Variants in MAPK6 observed in about 807,000 individuals in gnomAD.
MAPK6 encodes mitogen-activated protein kinase 6, also known as ERK-3.
A neutral mutation model predicts 59.3 loss-of-function variants in MAPK6; 19 were observed. The observed-to-expected ratio is 0.32, with a 90% CI of 0.22 to 0.47. MAPK6 has a LOEUF of 0.47. MAPK6 is among the 20% of genes least tolerant of loss of function. MAPK6 has a pLI of 1.00. For missense variants in MAPK6, 724 were observed against 847.9 expected (o/e 0.85, Z 1.81); for synonymous variants, 316 against 290.3 (o/e 1.09, Z -0.90).
intron 1 of MAPK6, among the ~76,000 whole-genome samples, chr15:51,979,084 C>T (rs189698618): frequency 9.7e-5 from 12 of 123,680 alleles, no homozygotes; most frequent in Admixed American, 2.7e-4. Flanking sequence ...GCACCCCAGC[C>T]GGGGTGACAG....
chr15:51,985,721 G>C (rs939519874), intron 2 of MAPK6, among the ~76,000 whole-genome samples: 2 of 152,120 alleles, frequency 1.3e-5, no homozygotes. Context: ...CACTTTGGGA[G>C]GCCGAGGCGG....
chr15:52,023,890 G>C (rs1348183460), intron 1 of MAPK6, among the ~76,000 whole-genome samples: 1 of 152,308 alleles, frequency 6.6e-6, no homozygotes, highest in East Asian at 1.9e-4. Flanking sequence ...GGGATTACGG[G>C]CATGAGCCAC....
chr15:52,042,721 A>G (rs2031463564), intron 1 of MAPK6: 1 of 152,202 alleles, frequency 6.6e-6, no homozygotes. Context: ...GAGAACTTGG[A>G]GATCTTACTG....
intron 3 of MAPK6, among the ~76,000 whole-genome samples, chr15:52,056,422 T>A (rs2031985862): frequency 6.6e-6 from 1 of 152,240 alleles, no homozygotes; most frequent in African/African-American, 2.4e-5. Flanking sequence ...ACTCGTTGGA[T>A]GTAAAACTTC....
At position 52,063,947 on chromosome 15, in the gene MAPK6, C is replaced by A. The variant is rs75263468; in HGVS notation, c.1113C>A (p.Asn371Lys). The change falls in exon 6 of 6, where the codon AAC (asparagine) becomes AAA (lysine). Residue 371 changes from asparagine to lysine, a missense_variant. Transcript: ENST00000261845. The part of the protein sequence containing the change: ...QFSEHDWPVH[N>K]NFDIDEVQLD... ...CAGAGCATGATTGGCCTGTACATAA[C>A]AACTTTGATATTGATGAAGTTCAGC... 1.0e-4 allele frequency: 164 copies of A among 1,598,774 alleles called. No individual in the cohort carries two copies. The highest frequency in any genetic ancestry group is 1.4e-4 in the Non-Finnish European group (161 of 1,172,598).
At chr15:52,002,970 C>CTT (rs2057246720) in intron 2 of MAPK6, among the ~76,000 whole-genome samples, 1 of 152,058 alleles carries the variant, frequency 6.6e-6, no homozygotes, top group Non-Finnish European at 1.5e-5. Flanking sequence ...GGGCAGATCA[C>CTT]AAGGTCAGGA....
In MAPK6 at chr15:52,001,795, C is replaced by T. The variant is rs376705670; in HGVS notation, c.-769-2470C>T. ...AAGTGGTGGGATTATAGGCGTGATC[C>T]GCCACTCCTGGCCGCATGTAGCCCT... is the stretch of plus-strand genomic sequence containing the variant. On this transcript the variant is annotated intron_variant, in intron 2 of 7. Transcript: ENST00000691380. Among the ~76,000 whole-genome samples, 16 of 152,228 alleles carry T rather than the reference C, an allele frequency of 1.1e-4. No homozygotes were observed. In the South Asian group the frequency reaches 1.2e-3, roughly 12 times the overall value.
intron 1 of MAPK6, chr15:52,020,161 C>G (rs957177554): frequency 1.3e-5 from 2 of 152,228 alleles, no homozygotes; most frequent in Admixed American, 6.5e-5. Flanking sequence ...TGTCGGTTCA[C>G]CAAAAAGGGC....
intron 2 of MAPK6, among the ~76,000 whole-genome samples, chr15:51,998,458 G>C (rs1056967827): frequency 2.0e-5 from 3 of 150,118 alleles, no homozygotes; most frequent in African/African-American, 7.4e-5. Context: ...ACCGGCCTCA[G>C]CCTCATAAAG....
At position 52,051,641 on chromosome 15, in the gene MAPK6, C is replaced by A. The variant is rs200092323; in HGVS notation, c.700+1504C>A. Among the ~76,000 whole-genome samples the A allele has an allele frequency of 2.6e-5, 4 of 151,874 alleles. No homozygotes were observed. The East Asian group carries it at 7.8e-4, about 29-fold the overall frequency. Reference sequence around the variant, plus strand: ...GTAATCCCAGCACTTTGGGAGGCTGCAGCGGGCAGATCACTTGAGGTCAGG... The same window carrying A: ...GTAATCCCAGCACTTTGGGAGGCTGAAGCGGGCAGATCACTTGAGGTCAGG... On this transcript the variant is annotated intron_variant, in intron 3 of 5. Coordinates refer to ENST00000261845, the MANE Select transcript of MAPK6 (RefSeq NM_002748.4).
intron 2 of MAPK6, among the ~76,000 whole-genome samples, chr15:51,989,321 C>T (rs2057201179): frequency 1.3e-5 from 2 of 151,972 alleles, no homozygotes; most frequent in African/African-American, 2.4e-5. Flanking sequence ...TCAGTTGATC[C>T]GCCCGCCTCA....
At chr15:52,054,628 C>T (rs1034437907) in intron 3 of MAPK6, among the ~76,000 whole-genome samples, 5 of 151,746 alleles carry the variant, frequency 3.3e-5, no homozygotes, top group African/African-American at 7.3e-5. Context: ...AGTTCAGTTC[C>T]ACCCTTTAAA....
upstream of MAPK6, among the ~76,000 whole-genome samples, chr15:52,016,064 G>GCA (rs1219275611): frequency 1.3e-3 from 71 of 54,986 alleles, no homozygotes; most frequent in South Asian, 3.7e-3. Flanking sequence ...GCGCGCGCGC[G>GCA]CGCGCGCACA....
chr15:51,984,103 A>G (rs1355466551), intron 2 of MAPK6, among the ~76,000 whole-genome samples: 2 of 152,144 alleles, frequency 1.3e-5, no homozygotes, highest in African/African-American at 2.4e-5. Context: ...ATTGGAACCC[A>G]TCAAAACACC....
chr15:51,996,699 T>A (rs1310952120), intron 2 of MAPK6, among the ~76,000 whole-genome samples: 1 of 151,744 alleles, frequency 6.6e-6, no homozygotes, highest in African/African-American at 2.4e-5. Context: ...CCCGTCCTCC[T>A]CCTCCTTCTT....
intron 3 of MAPK6, among the ~76,000 whole-genome samples, 190 bp downstream of exon 3, chr15:52,050,327 A>T (rs1470459358): frequency 2.0e-5 from 3 of 152,272 alleles, no homozygotes; most frequent in African/African-American, 4.8e-5. Flanking sequence ...TGGTCACTTC[A>T]TAAATTATCA....
intron 3 of MAPK6, among the ~76,000 whole-genome samples, chr15:52,050,964 A>G (rs1262205689): frequency 6.6e-6 from 1 of 152,212 alleles, no homozygotes; most frequent in Admixed American, 6.5e-5. Flanking sequence ...AAAGTAAGGA[A>G]TAGTAGGGGT....
chr15:52,024,795 G>T (rs1366343950), intron 1 of MAPK6: 1 of 150,924 alleles, frequency 6.6e-6, no homozygotes, highest in Non-Finnish European at 1.5e-5. Context: ...TGATCATAAC[G>T]CACTGCCACC....
intron 5 of MAPK6, among the ~76,000 whole-genome samples, chr15:52,063,016 C>T (rs2032265586): frequency 6.6e-6 from 1 of 152,146 alleles, no homozygotes; most frequent in African/African-American, 2.4e-5. Flanking sequence ...TATGTTTACA[C>T]AAATCTGCAA....
Sources: allele counts gnomAD v4.1 joint callset (sites outside exome capture counted in the v4.1 genomes callset), GRCh38; gene constraint gnomAD v4.1.1; transcripts MANE v1.5; gene names NCBI Gene and HGNC (gene_info 2026-07-23, HGNC 2026-07-21).